RELN: variants seen among roughly 807,000 people sequenced by gnomAD.
RELN encodes reelin.
Under a neutral mutation model 427.6 loss-of-function variants are expected in RELN, and 108 were observed. The observed-to-expected ratio is 0.25, with a 90% CI of 0.22 to 0.30. The LOEUF (loss-of-function observed/expected upper bound fraction) is 0.30, where lower values mean the gene tolerates loss of function less well. Among genes scored for constraint, RELN ranks in the 10% least tolerant of loss-of-function variants. The pLI is 1.00. For synonymous variants in RELN, 1,524 were observed against 1,513.4 expected, an observed-to-expected ratio of 1.01 and a Z score of -0.16; for missense variants, 3,715 against 4,302.8, an observed-to-expected ratio of 0.86 and a Z score of 3.82.
At chr7:103,736,341 T>A (rs546358384) in intron 6 of RELN, among the ~76,000 whole-genome samples, 6 of 152,332 alleles carry the variant, frequency 3.9e-5, no homozygotes, top group African/African-American at 1.2e-4. Flanking sequence ...TTAATTTTTT[T>A]TAAATCCTAT....
At chr7:103,647,042 G>A (rs1393626401) in intron 16 of RELN, among the ~76,000 whole-genome samples, 2 of 151,808 alleles carry the variant, frequency 1.3e-5, no homozygotes, top group African/African-American at 4.8e-5. Flanking sequence ...CAAACTAGGT[G>A]TAGATAGAAC....
At chr7:103,681,634 A>G (rs1015548917) in intron 11 of RELN, among the ~76,000 whole-genome samples, 1 of 152,134 alleles carries the variant, frequency 6.6e-6, no homozygotes, top group Non-Finnish European at 1.5e-5. Context: ...GGTCTCCTCT[A>G]TTTCAACCTC....
intron 57 of RELN, among the ~76,000 whole-genome samples, chr7:103,495,462 C>T (rs896631524): frequency 1.4e-5 from 2 of 147,106 alleles, no homozygotes; most frequent in Admixed American, 6.8e-5. Flanking sequence ...GGTTCCACTG[C>T]ACCCGGCCTG....
chr7:103,736,979 T>A (rs1790509681), intron 6 of RELN, among the ~76,000 whole-genome samples: 1 of 152,032 alleles, frequency 6.6e-6, no homozygotes, highest in African/African-American at 2.4e-5. Flanking sequence ...AGAAAAAAGT[T>A]ATTAACAAAA....
intron 2 of RELN, among the ~76,000 whole-genome samples, chr7:103,861,390 A>G (rs1794068378): frequency 6.6e-6 from 1 of 152,160 alleles, no homozygotes; most frequent in African/African-American, 2.4e-5. Flanking sequence ...TGGGACTTCA[A>G]AAAGCCTAAA....
Position 103,630,013 on chromosome 7 carries a change from C to T in RELN, c.2629G>A (p.Val877Met). 2 of 1,613,940 alleles carry T rather than the reference C, an allele frequency of 1.2e-6. No homozygotes were observed. The highest frequency in any genetic ancestry group is 2.2e-5 in the South Asian group (2 of 91,078). ...NSISLDFTNL[V>M]EVTQSLGFYL... is the part of the protein sequence containing the mutation. ...AATCCCAGAGACTGAGTGACCTCCA[C>T]AAGATTGGTAAAGTCAAGACTAATG... is the stretch of plus-strand genomic sequence containing the variant. The change falls in exon 20 of 65, where the codon GTG becomes ATG. Residue 877 changes from valine (V) to methionine (M), a missense_variant. Around this residue, in one of 4 missense-constraint regions of RELN, gnomAD observed 2,208 missense variants for 2,361.7 expected, o/e 0.93. Coordinates refer to ENST00000428762, the MANE Select transcript of RELN (RefSeq NM_005045.4).
At chr7:103,865,261 A>T (rs977634395) in intron 2 of RELN, among the ~76,000 whole-genome samples, 3 of 152,106 alleles carry the variant, frequency 2.0e-5, no homozygotes, top group African/African-American at 7.2e-5. Flanking sequence ...GCCAGTAATT[A>T]AAAAATTTCA....
At chr7:103,543,021 G>T in intron 42 of RELN, 143 bp from the exon 43 acceptor site, 1 of 857,756 alleles carries the variant, frequency 1.2e-6, no homozygotes, top group Non-Finnish European at 1.8e-6. Flanking sequence ...AGGATAAGAG[G>T]CCTTTTCAAC....
intron 28 of RELN, among the ~76,000 whole-genome samples, chr7:103,586,510 A>T (rs890178420): frequency 6.6e-6 from 1 of 152,196 alleles, no homozygotes; most frequent in Non-Finnish European, 1.5e-5. Context: ...CTCCAGTTCA[A>T]CATAGTACTA....
At chr7:103,981,820 G>A (rs749499884) in intron 1 of RELN, among the ~76,000 whole-genome samples, 8 of 152,178 alleles carry the variant, frequency 5.3e-5, no homozygotes, top group Admixed American at 2.0e-4. Context: ...CAAAAAGTGC[G>A]TGCCTGCTGA....
intron 2 of RELN, among the ~76,000 whole-genome samples, chr7:103,871,231 T>C (rs1794326048): frequency 6.9e-6 from 1 of 145,840 alleles, no homozygotes; most frequent in Middle Eastern, 3.4e-3. Context: ...TCTTTTTCTA[T>C]TTATTTTTTA....
Position 103,557,059 on chromosome 7 carries a change from A to G in RELN, c.5715T>C (p.Asn1905=). 2 of 1,613,568 alleles carry G rather than the reference A, an allele frequency of 1.2e-6. No individual in the cohort carries two copies. Among genetic ancestry groups the G allele is most frequent in the Non-Finnish European group, 1.7e-6 (2 of 1,179,420 alleles). Residue 1905 remains asparagine (N), a synonymous_variant, in exon 38 of 65, where the codon AAT becomes AAC. Coordinates refer to ENST00000428762, the MANE Select transcript of RELN (RefSeq NM_005045.4). ...MDEFYFPQTT[N]ILFINVPLPY... ...GCAAGGGAACATTGATGAAAAGTAT[A>G]TTCGTTGTTTGAGGAAAGTAAAATT... is the stretch of plus-strand genomic sequence containing the variant.
At chr7:103,602,486 G>A (rs1469274069) in intron 24 of RELN, among the ~76,000 whole-genome samples, 1 of 152,144 alleles carries the variant, frequency 6.6e-6, no homozygotes, top group Non-Finnish European at 1.5e-5. Context: ...ATACACCATG[G>A]AATAGTATGC....
At chr7:103,604,206 A>C in intron 23 of RELN, 140 bp downstream of exon 23, 1 of 942,314 alleles carries the variant, frequency 1.1e-6, no homozygotes, top group Non-Finnish European at 1.7e-6. Flanking sequence ...TAAAATACAA[A>C]CAGAAAGGAG....
At chr7:103,493,111 G>A (rs891853381) in intron 57 of RELN, among the ~76,000 whole-genome samples, 2 of 152,156 alleles carry the variant, frequency 1.3e-5, no homozygotes, top group African/African-American at 4.8e-5. Flanking sequence ...GCTTTATAAA[G>A]ATCAATCTGA....
rs1831722930 is a variant in RELN at position 103,603,321 on chromosome 7, A to T, written c.3316T>A (p.Ser1106Thr). ...QGCGVISSGS[S>T]LYFSKAGKRQ... ...GGTCATACCTTGCTGAAGTACAGAG[A>T]TGATCCAGAAGAGATGACACCACAC... The change falls in exon 24 of 65, where the codon TCT (serine) becomes ACT (threonine). Residue 1106 changes from serine (S) to threonine (T), a missense_variant. Coordinates refer to ENST00000428762, the MANE Select transcript of RELN (RefSeq NM_005045.4). The surrounding 1 kb of genome is among the most constrained non-coding windows in gnomAD (Gnocchi z 4.3). 1 of 1,613,812 alleles carries T rather than the reference A, an allele frequency of 6.2e-7. No homozygotes were observed. The highest frequency in any genetic ancestry group is 8.5e-7 in the Non-Finnish European group (1 of 1,179,736).
Position 103,989,384 on chromosome 7 carries a change from C to CCGCCGCCGCCGCGT in RELN, c.-29_-28insACGCGGCGGCGGCG. ...CGCCGCCGCCGCCGCCGCCGCCGCG[C>CCGCCGCCGCCGCGT]GCCCTACGCGCCGCTCGCTCATTCA... is the stretch of plus-strand genomic sequence containing the variant. On this transcript the variant is annotated 5_prime_UTR_variant, in exon 1 of 65. Coordinates refer to ENST00000428762, the MANE Select transcript of RELN (RefSeq NM_005045.4). This position sits in a 1 kb window ranked among gnomAD's most constrained non-coding sequence, Gnocchi z 4.9. The CCGCCGCCGCCGCGT allele has an allele frequency of 1.3e-6, 1 of 780,852 alleles. No individual in the cohort carries two copies. The allele number at this position is 780,852 out of a possible 1,614,324, so 48.4% of individuals were successfully genotyped here.
Position 103,542,804 on chromosome 7 carries a change from C to T in RELN, c.6598G>A (p.Gly2200Arg), listed in dbSNP as rs1224506694. ...PSRKCGILSS[G>R]NNLFFNEDGL... ...TCTTCATTGAAAAAGAGGTTGTTTC[C>T]ACTAGAAAGGATTCCACACTTTCGA... Residue 2200 changes from glycine (G) to arginine (R), a missense_variant, in exon 43 of 65, where the codon GGA becomes AGA. By Grantham distance (125) the Gly-to-Arg change is moderately radical (BLOSUM62 -2). Transcript: ENST00000428762. The T allele has an allele frequency of 6.2e-7, 1 of 1,613,938 alleles. No individual in the cohort carries two copies. The highest frequency in any genetic ancestry group is 8.5e-7 in the Non-Finnish European group (1 of 1,180,006).
intron 10 of RELN, 55 bp from the exon 11 acceptor site, chr7:103,682,316 C>T: frequency 6.3e-7 from 1 of 1,583,662 alleles, no homozygotes; most frequent in Non-Finnish European, 8.7e-7. Context: ...GTAGCTGTAT[C>T]TGTCTTACTC....
Sources: allele counts gnomAD v4.1 joint callset (sites outside exome capture counted in the v4.1 genomes callset), GRCh38; gene constraint gnomAD v4.1.1; regional missense constraint gnomAD v4.1.1; non-coding constraint Gnocchi (gnomAD v3.1); transcripts MANE v1.5; gene names NCBI Gene and HGNC (gene_info 2026-07-23, HGNC 2026-07-21).